SH3GL2: variants seen among roughly 807,000 people sequenced by gnomAD.
The protein encoded by SH3GL2 is SH3 domain containing GRB2 like 2, endophilin A1.
In SH3GL2, 24 loss-of-function variants were observed where a neutral mutation model predicts 46.0. That is an observed-to-expected ratio of 0.52 (90% confidence interval 0.38 to 0.73). The LOEUF (loss-of-function observed/expected upper bound fraction) is 0.73, where lower values mean the gene tolerates loss of function less well. SH3GL2 is among the 30% of genes least tolerant of loss of function. SH3GL2 has a pLI of 0.00. For synonymous variants in SH3GL2, 196 were observed against 147.1 expected, an observed-to-expected ratio of 1.33 and a Z score of -2.40; for missense variants, 413 against 424.2, an observed-to-expected ratio of 0.97 and a Z score of 0.23.
At chr9:17,616,612 C>G (rs1039120688) in intron 1 of SH3GL2, among the ~76,000 whole-genome samples, 2 of 152,074 alleles carry the variant, frequency 1.3e-5, no homozygotes, top group Admixed American at 6.6e-5. Flanking sequence ...GATTATGAAT[C>G]TTTTGAAATC....
chr9:17,623,014 T>C (rs1309600753), intron 1 of SH3GL2, among the ~76,000 whole-genome samples: 1 of 108,500 alleles, frequency 9.2e-6, no homozygotes, highest in African/African-American at 3.6e-5. Flanking sequence ...TCCTTTCCTT[T>C]CCTTTCCTTT....
At chr9:17,785,098 A>C (rs1190328010) in intron 3 of SH3GL2, among the ~76,000 whole-genome samples, 1 of 152,114 alleles carries the variant, frequency 6.6e-6, no homozygotes, top group Admixed American at 6.6e-5. Flanking sequence ...TTTTCCAGTC[A>C]CCACCAGCCT....
At chr9:17,781,628 C>G (rs181796497) in intron 3 of SH3GL2, among the ~76,000 whole-genome samples, 200 of 152,204 alleles carry the variant, frequency 1.3e-3, no homozygotes, top group African/African-American at 4.6e-3. Flanking sequence ...TTAGTAAACA[C>G]TACCAAATTG....
intron 3 of SH3GL2, among the ~76,000 whole-genome samples, chr9:17,780,356 T>C (rs1446235802): frequency 6.6e-6 from 1 of 152,174 alleles, no homozygotes. Context: ...ACTTCTTTCA[T>C]TCTCATTGCT....
chr9:17,673,267 A>G (rs200110873), intron 1 of SH3GL2, among the ~76,000 whole-genome samples: 1 of 149,818 alleles, frequency 6.7e-6, no homozygotes, highest in Non-Finnish European at 1.5e-5. Context: ...TCCCACTTCA[A>G]CCTTCCAAGT....
intron 1 of SH3GL2, among the ~76,000 whole-genome samples, chr9:17,674,667 A>G (rs531234830): frequency 4.3e-4 from 66 of 152,186 alleles, no homozygotes; most frequent in Non-Finnish European, 7.6e-4. Context: ...GGGGTCACTC[A>G]TGGGTCCTCA....
chr9:17,611,564 G>T (rs894598318), intron 1 of SH3GL2, among the ~76,000 whole-genome samples: 2 of 152,176 alleles, frequency 1.3e-5, no homozygotes, highest in African/African-American at 4.8e-5. Flanking sequence ...ATGTATCTGA[G>T]ACTCTGTGAC....
chr9:17,649,844 A>C (rs3808727), intron 1 of SH3GL2, among the ~76,000 whole-genome samples: 50,390 of 152,026 alleles, frequency 0.33, 8,947 homozygotes, highest in East Asian at 0.55. Context: ...TTTGTTATAC[A>C]CCTGTTGTAA....
chr9:17,669,046 T>A (rs1820409323), intron 1 of SH3GL2, among the ~76,000 whole-genome samples: 1 of 152,236 alleles, frequency 6.6e-6, no homozygotes, highest in Non-Finnish European at 1.5e-5. Context: ...ATGAGTCTAT[T>A]TTTGGACTTC....
chr9:17,668,123 A>G (rs1200382810), intron 1 of SH3GL2, among the ~76,000 whole-genome samples: 2 of 152,206 alleles, frequency 1.3e-5, no homozygotes, highest in Admixed American at 1.3e-4. Flanking sequence ...TTGAAACACA[A>G]AGTTTTGATG....
chr9:17,755,773 G>A (rs867961671), intron 2 of SH3GL2: 35 of 984,822 alleles, frequency 3.6e-5, no homozygotes, highest in Middle Eastern at 1.0e-3. Context: ...ACAACGCCAC[G>A]CTGTTCACGA....
At chr9:17,707,932 G>A (rs1195478357) in intron 1 of SH3GL2, among the ~76,000 whole-genome samples, 2 of 151,980 alleles carry the variant, frequency 1.3e-5, no homozygotes, top group African/African-American at 4.8e-5. Context: ...CAAATAAAAG[G>A]TGAGACCTAG....
chr9:17,789,320 T>G, intron 5 of SH3GL2, 72 bp from the exon 6 acceptor site: 1 of 1,240,072 alleles, frequency 8.1e-7, no homozygotes, highest in Non-Finnish European at 1.2e-6. Context: ...ATGGACGTGA[T>G]GGAGAAGTGA....
In SH3GL2 at chr9:17,661,950, T is replaced by C. The variant is rs533780602; in HGVS notation, c.45+82663T>C. On this transcript the variant is annotated intron_variant, in intron 1 of 8. Transcript: ENST00000380607. Reference sequence around the variant, plus strand: ...GCAATGGGATGATTTTACTGCTGTCTTTTGGTTAATTTCTCTGTTTTTTGT... The same window carrying C: ...GCAATGGGATGATTTTACTGCTGTCCTTTGGTTAATTTCTCTGTTTTTTGT... Among the ~76,000 whole-genome samples, 5 of 152,354 alleles carry C rather than the reference T, an allele frequency of 3.3e-5. No individual in the cohort carries two copies. The South Asian group carries it at 1.0e-3, about 32-fold the overall frequency.
chr9:17,679,010 T>A (rs1469187822), intron 1 of SH3GL2, among the ~76,000 whole-genome samples: 1 of 152,326 alleles, frequency 6.6e-6, no homozygotes, highest in East Asian at 1.9e-4. Context: ...TTGGTACCAG[T>A]ACCATGCTGT....
chr9:17,634,225 T>C (rs1819494586), intron 1 of SH3GL2, among the ~76,000 whole-genome samples: 1 of 152,184 alleles, frequency 6.6e-6, no homozygotes, highest in South Asian at 2.1e-4. Flanking sequence ...GCTTGGTCCA[T>C]ACTAACCCAG....
chr9:17,720,005 A>C (rs1821854904), intron 1 of SH3GL2, among the ~76,000 whole-genome samples: 1 of 152,070 alleles, frequency 6.6e-6, no homozygotes, highest in South Asian at 2.1e-4. Context: ...GATGTGTTGA[A>C]TATCCTGTTT....
At chr9:17,600,398 A>G (rs1588164999) in intron 1 of SH3GL2, among the ~76,000 whole-genome samples, 1 of 152,196 alleles carries the variant, frequency 6.6e-6, no homozygotes, top group Non-Finnish European at 1.5e-5. Context: ...ATTTCAAATA[A>G]CCCACCTCCA....
chr9:17,675,356 T>A (rs1315432914), intron 1 of SH3GL2, among the ~76,000 whole-genome samples: 1 of 152,224 alleles, frequency 6.6e-6, no homozygotes, highest in Non-Finnish European at 1.5e-5. Context: ...GACAGTCATT[T>A]ACCTAATGCT....
Sources: gnomAD v4.1 joint callset for allele counts (sites outside exome capture counted in the v4.1 genomes callset) on GRCh38, gnomAD v4.1.1 for gene constraint, MANE v1.5 for transcripts, NCBI Gene and HGNC (gene_info 2026-07-23, HGNC 2026-07-21) for gene names.